Variants in SGCZ observed in about 807,000 individuals in gnomAD.
SGCZ encodes the protein zeta-sarcoglycan.
SGCZ carries 40 observed loss-of-function variants against 41.3 expected under a neutral mutation model. That is an observed-to-expected ratio of 0.97 (90% CI 0.75 to 1.26). The LOEUF (loss-of-function observed/expected upper bound fraction) is 1.26. SGCZ is among the 50% of genes most tolerant of loss of function. The probability of loss-of-function intolerance (pLI) is 0.00; values close to 1 mark genes in which losing one functional copy is unlikely to be tolerated. For synonymous variants in SGCZ, 206 were observed against 137.5 expected (o/e 1.50, Z -3.49); for missense variants, 552 against 369.8 (o/e 1.49, Z -4.04).
rs71209089 is a variant in SGCZ, at chr8:14,885,985, T to TTATATA, written c.40-331065_40-331060dup. Among the ~76,000 whole-genome samples the TTATATA allele has an allele frequency of 6.8e-3, 379 of 55,898 alleles. 4 individuals carry two copies. The highest frequency in any genetic ancestry group is 7.9e-3 in the Non-Finnish European group (238 of 30,124). The allele number at this position is 55,898 out of a possible 152,430, so 36.7% of individuals were successfully genotyped here. ...TTTTTTAATCATAAAGGACTTTATG[T>TTATATA]TATATATATATATATATATATATAT... On this transcript the variant is annotated intron_variant, in intron 1 of 7. Coordinates refer to ENST00000382080, the MANE Select transcript of SGCZ (RefSeq NM_139167.4).
At chr8:14,286,178 G>T (rs1800620373) in intron 3 of SGCZ, among the ~76,000 whole-genome samples, 1 of 151,872 alleles carries the variant, frequency 6.6e-6, no homozygotes, top group African/African-American at 2.4e-5. Flanking sequence ...TCCTTGCATG[G>T]TATTCTATCT....
At chr8:15,059,929 G>C (rs907444204) in intron 1 of SGCZ, among the ~76,000 whole-genome samples, 5 of 152,152 alleles carry the variant, frequency 3.3e-5, no homozygotes, top group African/African-American at 1.2e-4. Context: ...TGTGGAGAGA[G>C]GCAATGTGTT....
At chr8:14,442,360 A>G (rs1291689978) in intron 2 of SGCZ, among the ~76,000 whole-genome samples, 2 of 152,138 alleles carry the variant, frequency 1.3e-5, no homozygotes, top group Non-Finnish European at 2.9e-5. Context: ...GTAAGAAGTG[A>G]CTTTGCTCCT....
chr8:15,021,467 G>T (rs1437684013), intron 1 of SGCZ, among the ~76,000 whole-genome samples: 1 of 152,178 alleles, frequency 6.6e-6, no homozygotes, highest in East Asian at 1.9e-4. Flanking sequence ...CTTATCTGAG[G>T]TTGTACACCC....
intron 1 of SGCZ, among the ~76,000 whole-genome samples, chr8:14,662,184 C>T (rs908217042): frequency 6.6e-6 from 1 of 152,060 alleles, no homozygotes; most frequent in Non-Finnish European, 1.5e-5. Flanking sequence ...TTTCTCCATG[C>T]GTTATTGATC....
rs140099822 is a variant in SGCZ at position 15,105,006 on chromosome 8, A to G, written c.39+132579T>C. ...ATAACTCTTTCCTTTATGCCTCAAC[A>G]ATATGTAAGTCTATTTCACCAAACT... On this transcript the variant is annotated intron_variant, in intron 1 of 7. Transcript: ENST00000382080. Among the ~76,000 whole-genome samples the G allele has an allele frequency of 5.8e-3, 878 of 152,322 alleles. 4 individuals are homozygous for G. Among genetic ancestry groups the G allele is most frequent in the Middle Eastern group, 0.024 (7 of 294 alleles).
intron 2 of SGCZ, among the ~76,000 whole-genome samples, chr8:14,441,679 G>A (rs963643867): frequency 6.6e-6 from 1 of 152,208 alleles, no homozygotes; most frequent in Non-Finnish European, 1.5e-5. Context: ...GTTTGGCTTT[G>A]TACGCATCTC....
chr8:15,000,311 G>A (rs1297692041), intron 1 of SGCZ, among the ~76,000 whole-genome samples: 1 of 152,110 alleles, frequency 6.6e-6, no homozygotes, highest in African/African-American at 2.4e-5. Flanking sequence ...GGCAACCCTA[G>A]CAAACTTTAA....
chr8:14,325,644 T>C (rs568477787), intron 2 of SGCZ, among the ~76,000 whole-genome samples: 1 of 146,100 alleles, frequency 6.8e-6, no homozygotes, highest in East Asian at 2.0e-4. Flanking sequence ...TAATCACATA[T>C]AATCAATGAT....
At chr8:14,408,565 A>G (rs1396704421) in intron 2 of SGCZ, among the ~76,000 whole-genome samples, 1 of 152,090 alleles carries the variant, frequency 6.6e-6, no homozygotes, top group African/African-American at 2.4e-5. Context: ...ATTCTTTTCC[A>G]CAGTGGCTAG....
intron 1 of SGCZ, among the ~76,000 whole-genome samples, chr8:15,006,882 C>T (rs1802624237): frequency 6.6e-6 from 1 of 152,078 alleles, no homozygotes; most frequent in African/African-American, 2.4e-5. Flanking sequence ...TTTTGTAACC[C>T]AGAGAAAGCT....
At chr8:15,082,672 T>C (rs1805798748) in intron 1 of SGCZ, among the ~76,000 whole-genome samples, 1 of 152,144 alleles carries the variant, frequency 6.6e-6, no homozygotes, top group Non-Finnish European at 1.5e-5. Flanking sequence ...TCAATACTTA[T>C]TTGTCTGCAA....
At chr8:15,115,072 G>T (rs748956648) in intron 1 of SGCZ, among the ~76,000 whole-genome samples, 1 of 151,878 alleles carries the variant, frequency 6.6e-6, no homozygotes, top group Non-Finnish European at 1.5e-5. Flanking sequence ...TTAGCACCTT[G>T]AAACAGAAAA....
chr8:14,338,075 A>T (rs1171090111), intron 2 of SGCZ, among the ~76,000 whole-genome samples: 7 of 152,162 alleles, frequency 4.6e-5, no homozygotes, highest in African/African-American at 7.2e-5. Context: ...TGCACAGGAG[A>T]CTTAAGGCAG....
chr8:14,465,919 A>G (rs1801035944), intron 2 of SGCZ, among the ~76,000 whole-genome samples: 1 of 151,758 alleles, frequency 6.6e-6, no homozygotes, highest in Admixed American at 6.6e-5. Context: ...CTAAGTTACA[A>G]TAACACCAGC....
chr8:14,192,596 C>G (rs1246125508), intron 4 of SGCZ, among the ~76,000 whole-genome samples: 1 of 151,776 alleles, frequency 6.6e-6, no homozygotes, highest in East Asian at 1.9e-4. Flanking sequence ...TTATTATTAG[C>G]TATTTTACCT....
At chr8:14,531,131 C>G (rs1045500407) in intron 2 of SGCZ, among the ~76,000 whole-genome samples, 2 of 152,052 alleles carry the variant, frequency 1.3e-5, no homozygotes, top group Admixed American at 1.3e-4. Context: ...GGGATCTTCA[C>G]TTCAGCCCTG....
At chr8:14,375,622 T>C (rs1355344340) in intron 2 of SGCZ, among the ~76,000 whole-genome samples, 1 of 152,132 alleles carries the variant, frequency 6.6e-6, no homozygotes, top group Non-Finnish European at 1.5e-5. Flanking sequence ...TATTAAACAA[T>C]ACCTGGATTT....
rs187695150 is a variant in SGCZ at position 15,180,283 on chromosome 8, G to A, written c.39+57302C>T. Among the ~76,000 whole-genome samples the A allele has an allele frequency of 7.9e-5, 12 of 152,280 alleles. No individual in the cohort carries two copies. In the East Asian group the frequency reaches 2.3e-3, roughly 29 times the overall value. On this transcript the variant is annotated intron_variant, in intron 1 of 7. Coordinates refer to ENST00000382080, the MANE Select transcript of SGCZ (RefSeq NM_139167.4). ...TAGAAAGTTCTTTTCTACATAGACA[G>A]ATGAATAAATACTGTCTTTTCCACT...
Sources: allele counts gnomAD v4.1 joint callset (sites outside exome capture counted in the v4.1 genomes callset), GRCh38; gene constraint gnomAD v4.1.1; transcripts MANE v1.5; gene names NCBI Gene and HGNC (gene_info 2026-07-23, HGNC 2026-07-21).